Variants in DIAPH3 observed in about 807,000 individuals in gnomAD.
The protein encoded by DIAPH3 is diaphanous related formin 3, also known as protein diaphanous homolog 3.
In DIAPH3, 117 loss-of-function variants were observed where a neutral mutation model predicts 144.3. The observed-to-expected ratio is 0.81, with a 90% CI of 0.70 to 0.95. DIAPH3 has a LOEUF of 0.95. DIAPH3 is among the 40% of genes least tolerant of loss of function. DIAPH3 has a pLI of 0.00. For synonymous variants in DIAPH3, 519 were observed against 488.9 expected (o/e 1.06, Z -0.81); for missense variants, 1,421 against 1,412.7 (o/e 1.01, Z -0.09).
At chr13:59,978,114 A>C (rs899179119) in intron 14 of DIAPH3, among the ~76,000 whole-genome samples, 1 of 151,776 alleles carries the variant, frequency 6.6e-6, no homozygotes, top group African/African-American at 2.4e-5. Flanking sequence ...TAAAATTGTC[A>C]AAATAACACT....
chr13:59,919,441 G>C (rs1471945077), intron 18 of DIAPH3, among the ~76,000 whole-genome samples: 1 of 152,030 alleles, frequency 6.6e-6, no homozygotes, highest in Non-Finnish European at 1.5e-5. Context: ...GCATACAAGA[G>C]AGTTCCAGTA....
chr13:59,796,355 T>C (rs2039604000), intron 25 of DIAPH3, among the ~76,000 whole-genome samples: 1 of 152,242 alleles, frequency 6.6e-6, no homozygotes, highest in Non-Finnish European at 1.5e-5. Context: ...GGATGCACCA[T>C]AACTAGATTA....
At chr13:59,728,860 G>C (rs1328154693) in intron 27 of DIAPH3, among the ~76,000 whole-genome samples, 1 of 152,164 alleles carries the variant, frequency 6.6e-6, no homozygotes, top group Non-Finnish European at 1.5e-5. Flanking sequence ...CTCTAAGTAA[G>C]AAACATGGTT....
At chr13:59,818,324 G>A (rs1402597206) in intron 24 of DIAPH3, among the ~76,000 whole-genome samples, 1 of 151,874 alleles carries the variant, frequency 6.6e-6, no homozygotes, top group Non-Finnish European at 1.5e-5. Context: ...TTCCACCTGT[G>A]CTCTATAAAG....
At chr13:60,112,754 G>A (rs2058602577) in intron 2 of DIAPH3, among the ~76,000 whole-genome samples, 1 of 152,048 alleles carries the variant, frequency 6.6e-6, no homozygotes, top group South Asian at 2.1e-4. Flanking sequence ...TATCTACAGG[G>A]CAAAATGGTT....
intron 24 of DIAPH3, among the ~76,000 whole-genome samples, 163 bp from the exon 25 acceptor site, chr13:59,811,086 CTTG>C (rs1375420046): frequency 6.6e-6 from 1 of 152,044 alleles, no homozygotes; most frequent in African/African-American, 2.4e-5. Flanking sequence ...CACAGAAACC[CTTG>C]TTAACTATGT....
intron 1 of DIAPH3, among the ~76,000 whole-genome samples, chr13:60,160,052 G>A (rs536352701): frequency 7.8e-4 from 119 of 152,114 alleles, no homozygotes; most frequent in Admixed American, 2.4e-3. Flanking sequence ...GGTTAACCCC[G>A]TCTCCACTAA....
intron 24 of DIAPH3, among the ~76,000 whole-genome samples, chr13:59,814,846 C>T (rs867836402): frequency 1.3e-5 from 2 of 152,228 alleles, no homozygotes; most frequent in African/African-American, 4.8e-5. Flanking sequence ...CCCCCTTACC[C>T]TCCAAGTGGA....
intron 15 of DIAPH3, among the ~76,000 whole-genome samples, chr13:59,972,211 C>G (rs754317443): frequency 6.6e-6 from 1 of 152,162 alleles, no homozygotes; most frequent in Non-Finnish European, 1.5e-5. Context: ...GAAGAGAGCA[C>G]CACCTAAAAG....
chr13:59,791,619 A>G lies in DIAPH3; in HGVS notation c.3164-16796T>C, dbSNP rs148062036. 3.9e-3 allele frequency among the ~76,000 whole-genome samples: 599 copies of G among 152,320 alleles called. 1 individual carries two copies. Among genetic ancestry groups the G allele is most frequent in the Middle Eastern group, 0.031 (9 of 294 alleles). ...TGAGAGAGGTGTTACATGAAAATTGATAACTATTCAGATCCTTAGGTTTGC... is the reference window on the plus strand; with the variant it reads ...TGAGAGAGGTGTTACATGAAAATTGGTAACTATTCAGATCCTTAGGTTTGC... On this transcript the variant is annotated intron_variant, in intron 25 of 27. Transcript: ENST00000400324.
rs2046814936 is a variant in DIAPH3, at chr13:59,907,915, C to T, written c.2367+3820G>A. Reference sequence around the variant, plus strand: ...AATATGAACATGAAAGTCTATATTACAGAAAATGTGAAAAATTAGGCACAT... The same window carrying T: ...AATATGAACATGAAAGTCTATATTATAGAAAATGTGAAAAATTAGGCACAT... On this transcript the variant is annotated intron_variant, in intron 20 of 27. Coordinates refer to ENST00000400324, the MANE Select transcript of DIAPH3 (RefSeq NM_001042517.2). Among the ~76,000 whole-genome samples, 3 of 152,066 alleles carry T rather than the reference C, an allele frequency of 2.0e-5. No homozygotes were observed. The South Asian group carries it at 6.2e-4, about 32-fold the overall frequency.
chr13:59,693,555 G>A lies in DIAPH3; in HGVS notation c.3320-26709C>T, dbSNP rs115659169. On this transcript the variant is annotated intron_variant, in intron 27 of 27. Coordinates refer to ENST00000400324, the MANE Select transcript of DIAPH3 (RefSeq NM_001042517.2). The stretch of plus-strand genomic sequence containing the variant: ...TCTTGGATGGTCTTTATATAGTATC[G>A]GAATTATTTGCAATCTCACATGGAA... Among the ~76,000 whole-genome samples, 697 of 152,144 alleles carry A rather than the reference G, an allele frequency of 4.6e-3. 1 individual carries two copies. The highest frequency in any genetic ancestry group is 0.016 in the African/African-American group (657 of 41,490).
chr13:59,700,510 A>G (rs2034048948), intron 27 of DIAPH3, among the ~76,000 whole-genome samples: 1 of 152,138 alleles, frequency 6.6e-6, no homozygotes, highest in South Asian at 2.1e-4. Flanking sequence ...CATTTCCCAT[A>G]TCTTTCTGAA....
At chr13:59,775,094 C>T (rs983375275) in intron 25 of DIAPH3, among the ~76,000 whole-genome samples, 1 of 152,218 alleles carries the variant, frequency 6.6e-6, no homozygotes, top group Non-Finnish European at 1.5e-5. Context: ...TATAGTCCAA[C>T]AGCACAATTA....
intron 17 of DIAPH3, 53 bp downstream of exon 17, chr13:59,969,889 GTA>G (rs2050257148): frequency 8.8e-7 from 1 of 1,131,204 alleles, no homozygotes; most frequent in Admixed American, 2.1e-5. Flanking sequence ...TACATAAAAA[GTA>G]TATGTTAAAA....
chr13:59,796,067 G>A (rs1429556986), intron 25 of DIAPH3, among the ~76,000 whole-genome samples: 1 of 152,210 alleles, frequency 6.6e-6, no homozygotes, highest in African/African-American at 2.4e-5. Context: ...TGTATTGTAA[G>A]TGAATCTAAA....
intron 27 of DIAPH3, among the ~76,000 whole-genome samples, chr13:59,678,619 G>A (rs866907497): frequency 4.6e-5 from 7 of 152,134 alleles, no homozygotes; most frequent in Middle Eastern, 3.4e-3. Context: ...TTTCCATTCC[G>A]AAAAAGAAAT....
In DIAPH3 at chr13:59,736,859, C is replaced by T. The variant is rs1349440071; in HGVS notation, c.3319+37330G>A. On this transcript the variant is annotated intron_variant, in intron 27 of 27. Transcript: ENST00000400324. ...GAGAAATAAGACTGCACACCTACAA[C>T]TATCTGATCTTTGATAAACCTGACA... Among the ~76,000 whole-genome samples the T allele has an allele frequency of 2.0e-5, 3 of 152,134 alleles. No individual in the cohort carries two copies. In the East Asian group the frequency reaches 5.8e-4, roughly 29 times the overall value.
chr13:59,843,554 C>T (rs539374803), intron 22 of DIAPH3, among the ~76,000 whole-genome samples: 9 of 152,098 alleles, frequency 5.9e-5, no homozygotes, highest in South Asian at 2.1e-4. Flanking sequence ...AGGATCTCAC[C>T]GCGTATTTTT....
Sources: allele counts gnomAD v4.1 joint callset (sites outside exome capture counted in the v4.1 genomes callset), GRCh38; gene constraint gnomAD v4.1.1; transcripts MANE v1.5; gene names NCBI Gene and HGNC (gene_info 2026-07-23, HGNC 2026-07-21).